G6PC2: variants seen among roughly 807,000 people sequenced by gnomAD.
G6PC2 encodes the protein glucose-6-phosphatase catalytic subunit 2.
A neutral mutation model predicts 35.4 loss-of-function variants in G6PC2; 41 were observed. The ratio of observed to expected loss-of-function variants is 1.16; its 90% CI spans 0.90 to 1.50. The LOEUF (loss-of-function observed/expected upper bound fraction) is 1.50. Among genes scored for constraint, G6PC2 ranks in the 40% most tolerant of loss-of-function variants. The pLI is 0.00. For missense variants in G6PC2, 441 were observed against 426.5 expected (o/e 1.03, Z -0.30); for synonymous variants, 165 against 153.2 (o/e 1.08, Z -0.57).
Position 168,908,632 on chromosome 2 carries a change from T to A in G6PC2, c.*553T>A. Reference sequence around the variant, plus strand: ...CAGAGCAGGAATTAGAACCCAAGGCTTCTGACACATATCCCCATTACACTG... The same window carrying A: ...CAGAGCAGGAATTAGAACCCAAGGCATCTGACACATATCCCCATTACACTG... On this transcript the variant is annotated 3_prime_UTR_variant, in exon 5 of 5. Coordinates refer to ENST00000375363, the MANE Select transcript of G6PC2 (RefSeq NM_021176.3). 5.3e-6 allele frequency: 1 copy of A among 187,504 alleles called. No homozygotes were observed. Among genetic ancestry groups the A allele is most frequent in the Non-Finnish European group, 1.1e-5 (1 of 88,754 alleles). 11.6% of individuals were successfully genotyped at this position (187,504 alleles called of 1,614,324 possible). A position where few individuals can be genotyped will look rare whatever the true frequency, so the allele number is the denominator to read the frequency against.
Position 168,906,727 on chromosome 2 carries a change from A to G in G6PC2, c.504A>G (p.Arg168=), listed in dbSNP as rs756923876. The change falls in exon 4 of 5, where the codon AGA becomes AGG. Residue 168 remains arginine (R), a synonymous_variant. Coordinates refer to ENST00000375363, the MANE Select transcript of G6PC2 (RefSeq NM_021176.3). Reference sequence around the variant, plus strand: ...TTCAAATCAGTGTCTGCATCTCCAGAGTATTCATAGCAACACATTTTCCTC... The same window carrying G: ...TTCAAATCAGTGTCTGCATCTCCAGGGTATTCATAGCAACACATTTTCCTC... ...WLIQISVCIS[R]VFIATHFPHQ... 1 of 1,605,590 alleles carries G rather than the reference A, an allele frequency of 6.2e-7. No homozygotes were observed. Among genetic ancestry groups the G allele is most frequent in the East Asian group, 2.2e-5 (1 of 44,806 alleles).
rs777764289 is a variant in G6PC2 at position 168,907,900 on chromosome 2, GCCTTGA to G, written c.893_898del (p.Leu298_Thr299del). The G allele has an allele frequency of 9.3e-6, 15 of 1,613,932 alleles. No homozygotes were observed. In the African/African-American group the frequency reaches 1.7e-4, roughly 19 times the overall value. ...CACACTGAGCTTCCGGTTGCTCTGT[GCCTTGA>G]CCTCATTGACAATACTGCAGCTCTA... is the stretch of plus-strand genomic sequence containing the variant. On this transcript the variant is annotated inframe_deletion, in exon 5 of 5. Coordinates refer to ENST00000375363, the MANE Select transcript of G6PC2 (RefSeq NM_021176.3).
intron 3 of G6PC2, 135 bp downstream of exon 3, chr2:168,904,751 TA>T (rs1266672430): frequency 2.9e-6 from 2 of 699,580 alleles, no homozygotes; most frequent in Admixed American, 4.0e-5. Context: ...ATAGACAAAA[TA>T]ACAAAATGAA....
In G6PC2 at chr2:168,908,056, C is replaced by G. The variant is rs1451631831; in HGVS notation, c.1045C>G (p.Gln349Glu). 8 of 1,613,166 alleles carry G rather than the reference C, an allele frequency of 5.0e-6. No individual in the cohort carries two copies. The highest frequency in any genetic ancestry group is 5.9e-6 in the Non-Finnish European group (7 of 1,179,480). Reference protein sequence around the residue: ...IPYSVHMLMKQSGKKSQ With the variant: ...IPYSVHMLMKESGKKSQ The stretch of plus-strand genomic sequence containing the variant: ...CTACTCTGTTCATATGTTAATGAAA[C>G]AAAGCGGAAAGAAGAGTCAGTAGAG... The change falls in exon 5 of 5, where the codon CAA becomes GAA. Residue 349 changes from glutamine to glutamate, a missense_variant. By Grantham distance (29) the Gln-to-Glu change is conservative (BLOSUM62 2). Transcript: ENST00000375363.
chr2:168,901,446 T>C lies in G6PC2; in HGVS notation c.115T>C (p.Phe39Leu). 6.3e-7 allele frequency: 1 copy of C among 1,596,854 alleles called. No individual in the cohort carries two copies. The highest frequency in any genetic ancestry group is 8.6e-7 in the Non-Finnish European group (1 of 1,164,178). Residue 39 changes from phenylalanine (F) to leucine (L), a missense_variant, in exon 1 of 5, where the codon TTT becomes CTT. By Grantham distance (22) the Phe-to-Leu change is conservative. Transcript: ENST00000375363. ...MSNVGDPRNI[F>L]FIYFPLCFQF... is the part of the protein sequence containing the mutation. ...CAATGTTGGAGACCCCAGGAATATC[T>C]TTTTCATTTATTTTCCACTTTGTTT...
At position 168,901,444 on chromosome 2, in the gene G6PC2, T is replaced by C. The variant is rs1249599611; in HGVS notation, c.113T>C (p.Ile38Thr). 1 of 1,596,540 alleles carries C rather than the reference T, an allele frequency of 6.3e-7. No homozygotes were observed. Among genetic ancestry groups the C allele is most frequent in the South Asian group, 1.1e-5 (1 of 90,764 alleles). The change falls in exon 1 of 5, where the codon ATC becomes ACC. Residue 38 changes from isoleucine to threonine, a missense_variant. Physicochemically the swap from Ile to Thr is moderately conservative, Grantham distance 89. Coordinates refer to ENST00000375363, the MANE Select transcript of G6PC2 (RefSeq NM_021176.3). ...TCCAATGTTGGAGACCCCAGGAATA[T>C]CTTTTTCATTTATTTTCCACTTTGT... The part of the protein sequence containing the change: ...FMSNVGDPRN[I>T]FFIYFPLCFQ...
intron 3 of G6PC2, 49 bp from the exon 4 acceptor site, chr2:168,906,615 T>G: frequency 1.1e-6 from 1 of 875,620 alleles, no homozygotes; most frequent in Non-Finnish European, 2.0e-6. Context: ...TAATTTTGAG[T>G]GATCCAGTTT....
rs139587795 is a variant in G6PC2 at position 168,907,655 on chromosome 2, T to C, written c.644T>C (p.Phe215Ser). 2.5e-6 allele frequency: 4 copies of C among 1,613,854 alleles called. No individual in the cohort carries two copies. The African/African-American group carries it at 5.3e-5, about 22-fold the overall frequency. The change falls in exon 5 of 5, where the codon TTC becomes TCC. Residue 215 changes from phenylalanine to serine, a missense_variant. Phe to Ser is a radical substitution (Grantham distance 155). Transcript: ENST00000375363. ...TACCTGAAGACCAACCTCTTTCTCTTCCTGTTTGCAGTTGGCTTTTACCTG... is the reference window on the plus strand; with the variant it reads ...TACCTGAAGACCAACCTCTTTCTCTCCCTGTTTGCAGTTGGCTTTTACCTG... ...GTYLKTNLFL[F>S]LFAVGFYLLL...
At chr2:168,904,900 A>G (rs148840412) in intron 3 of G6PC2, among the ~76,000 whole-genome samples, 16 of 152,348 alleles carry the variant, frequency 1.1e-4, no homozygotes, top group Admixed American at 1.3e-4. Context: ...AATTATTTTG[A>G]TAACTCATAA....
chr2:168,907,833 C>G lies in G6PC2; in HGVS notation c.822C>G (p.Asn274Lys). 13 of 1,614,148 alleles carry G rather than the reference C, an allele frequency of 8.1e-6. No individual in the cohort carries two copies. The highest frequency in any genetic ancestry group is 1.1e-5 in the Non-Finnish European group (13 of 1,180,016). ...TCTTTGGCTTGGGCTTTGCAATCAA[C>G]TCAGAGATGTTCCTCCTGAGCTGCC... The part of the protein sequence containing the change: ...GVLFGLGFAI[N>K]SEMFLLSCRG... The change falls in exon 5 of 5, where the codon AAC (asparagine) becomes AAG (lysine). Residue 274 changes from asparagine to lysine, a missense_variant. By Grantham distance (94) the Asn-to-Lys change is moderately conservative. Coordinates refer to ENST00000375363, the MANE Select transcript of G6PC2 (RefSeq NM_021176.3).
At chr2:168,902,856 A>G in intron 2 of G6PC2, 2 of 398,638 alleles carry the variant, frequency 5.0e-6, no homozygotes, top group Non-Finnish European at 9.2e-6. Flanking sequence ...ACAGTTAACT[A>G]GAACAAATTC....
chr2:168,905,799 T>C (rs908471167), intron 3 of G6PC2, among the ~76,000 whole-genome samples: 6 of 152,176 alleles, frequency 3.9e-5, no homozygotes, highest in Admixed American at 3.3e-4. Flanking sequence ...ACCAAATTCT[T>C]GTTTATTCTT....
At chr2:168,903,925 C>T (rs1690654465) in intron 2 of G6PC2, among the ~76,000 whole-genome samples, 1 of 152,094 alleles carries the variant, frequency 6.6e-6, no homozygotes, top group Non-Finnish European at 1.5e-5. Flanking sequence ...AAGATTCTCA[C>T]TGCAGTGGCC....
chr2:168,907,767 C>T lies in G6PC2; in HGVS notation c.756C>T (p.Asp252=). Residue 252 remains aspartate (D), a synonymous_variant, in exon 5 of 5, where the codon GAC becomes GAT. Coordinates refer to ENST00000375363, the MANE Select transcript of G6PC2 (RefSeq NM_021176.3). ...CTAACCCCGACTGGATCCACATTGA[C>T]ACCACGCCTTTTGCTGGACTCGTGA... The part of the protein sequence containing the change: ...WCANPDWIHI[D]TTPFAGLVRN... 1 of 1,614,106 alleles carries T rather than the reference C, an allele frequency of 6.2e-7. No homozygotes were observed. Among genetic ancestry groups the T allele is most frequent in the South Asian group, 1.1e-5 (1 of 91,082 alleles).
intron 2 of G6PC2, among the ~76,000 whole-genome samples, chr2:168,903,852 A>G (rs1690653039): frequency 2.0e-5 from 3 of 152,190 alleles, no homozygotes; most frequent in Admixed American, 2.0e-4. Flanking sequence ...GGAAGTAGAA[A>G]GGCTTTTTCT....
intron 4 of G6PC2, 42 bp from the exon 5 acceptor site, chr2:168,907,526 A>C (rs1435003775): frequency 6.3e-7 from 1 of 1,595,064 alleles, no homozygotes; most frequent in Non-Finnish European, 8.6e-7. Flanking sequence ...CGAGGGGCTC[A>C]AGGGCACACA....
rs1043828434 is a variant in G6PC2, at chr2:168,907,740, T to G, written c.729T>G (p.Cys243Trp). Residue 243 changes from cysteine (C) to tryptophan (W), a missense_variant, in exon 5 of 5, where the codon TGT (cysteine) becomes TGG (tryptophan). By Grantham distance (215) the Cys-to-Trp change is radical (BLOSUM62 -2). Coordinates refer to ENST00000375363, the MANE Select transcript of G6PC2 (RefSeq NM_021176.3). Reference protein sequence around the residue: ...LWSVPIAKKWCANPDWIHIDT... With the variant: ...LWSVPIAKKWWANPDWIHIDT... ...CCGTGCCCATAGCCAAAAAGTGGTG[T>G]GCTAACCCCGACTGGATCCACATTG... 2 of 1,614,022 alleles carry G rather than the reference T, an allele frequency of 1.2e-6. No homozygotes were observed. The highest frequency in any genetic ancestry group is 2.7e-5 in the African/African-American group (2 of 74,910).
In G6PC2 at chr2:168,907,913, T is replaced by C. The variant is rs141041285; in HGVS notation, c.902T>C (p.Leu301Ser). ...CGGTTGCTCTGTGCCTTGACCTCAT[T>C]GACAATACTGCAGCTCTACCATTTC... ...SFRLLCALTS[L>S]TILQLYHFLQ... Residue 301 changes from leucine (L) to serine (S), a missense_variant, in exon 5 of 5, where the codon TTG becomes TCG. Transcript: ENST00000375363. The C allele has an allele frequency of 5.6e-5, 90 of 1,614,082 alleles. No homozygotes were observed. The African/African-American group carries it at 1.1e-3, about 21-fold the overall frequency.
intron 1 of G6PC2, among the ~76,000 whole-genome samples, 178 bp from the exon 2 acceptor site, chr2:168,902,267 C>A (rs956972068): frequency 2.6e-5 from 4 of 152,118 alleles, no homozygotes; most frequent in African/African-American, 9.7e-5. Context: ...AAATGGCTAC[C>A]ACCTTTAATA....
Sources: gnomAD v4.1 joint callset for allele counts (sites outside exome capture counted in the v4.1 genomes callset) on GRCh38, gnomAD v4.1.1 for gene constraint, MANE v1.5 for transcripts, NCBI Gene and HGNC (gene_info 2026-07-23, HGNC 2026-07-21) for gene names.